Variants in CORO1C observed in about 807,000 individuals in gnomAD.
CORO1C encodes coronin-1C.
In CORO1C, 14 loss-of-function variants were observed where a neutral mutation model predicts 51.2. The observed-to-expected ratio is 0.27, with a 90% confidence interval of 0.18 to 0.43. CORO1C has a LOEUF of 0.43. Among genes scored for constraint, CORO1C ranks in the 20% least tolerant of loss-of-function variants. The pLI is 1.00. For synonymous variants in CORO1C, 181 were observed against 210.5 expected, an observed-to-expected ratio of 0.86 and a Z score of 1.21; for missense variants, 417 against 607.8, an observed-to-expected ratio of 0.69 and a Z score of 3.30.
chr12:108,717,716 C>A (rs1283809913), intron 1 of CORO1C, among the ~76,000 whole-genome samples: 2 of 152,142 alleles, frequency 1.3e-5, no homozygotes, highest in Admixed American at 1.3e-4. Flanking sequence ...TTACTTACTA[C>A]CTCTTAGTAG....
intron 8 of CORO1C, among the ~76,000 whole-genome samples, chr12:108,650,179 C>CA (rs2032577500): frequency 7.7e-6 from 1 of 129,492 alleles, no homozygotes; most frequent in African/African-American, 2.8e-5. Context: ...AAACCAAAAA[C>CA]CTTTTTTTTT....
At chr12:108,723,638 T>C (rs996777750) in intron 1 of CORO1C, among the ~76,000 whole-genome samples, 3 of 152,256 alleles carry the variant, frequency 2.0e-5, no homozygotes, top group African/African-American at 7.2e-5. Context: ...GAAAGTCTCT[T>C]ACACCAAACC....
intron 1 of CORO1C, among the ~76,000 whole-genome samples, chr12:108,722,140 CTGTT>C (rs369108822): frequency 3.9e-5 from 6 of 152,160 alleles, no homozygotes; most frequent in African/African-American, 1.4e-4. Flanking sequence ...AAGAGACAAT[CTGTT>C]TATCAGTAAG....
At chr12:108,661,055 G>A (rs1419833121) in intron 4 of CORO1C, among the ~76,000 whole-genome samples, 1 of 151,982 alleles carries the variant, frequency 6.6e-6, no homozygotes, top group Non-Finnish European at 1.5e-5. Flanking sequence ...TTTTATTAAG[G>A]TATAACTTAC....
intron 3 of CORO1C, among the ~76,000 whole-genome samples, chr12:108,670,425 G>A (rs558939638): frequency 3.9e-5 from 6 of 152,286 alleles, no homozygotes; most frequent in African/African-American, 1.4e-4. Flanking sequence ...ACCCACAGCG[G>A]GCTCCCTTCC....
At position 108,690,408 on chromosome 12, in the gene CORO1C, A is replaced by C. The variant is rs1215272498; in HGVS notation, c.195+10716T>G. On this transcript the variant is annotated intron_variant, in intron 2 of 10. Coordinates refer to ENST00000261401, the MANE Select transcript of CORO1C (RefSeq NM_014325.4). ...ACAGAGACTTCACCTGCCTGTGAGT[A>C]AAAAACAGCAGTCTTTTTGGACAGA... Among the ~76,000 whole-genome samples the C allele has an allele frequency of 3.3e-5, 5 of 152,360 alleles. No homozygotes were observed. The East Asian group carries it at 5.8e-4, about 18-fold the overall frequency.
intron 1 of CORO1C, among the ~76,000 whole-genome samples, chr12:108,718,147 A>T (rs1429997921): frequency 6.6e-6 from 1 of 152,146 alleles, no homozygotes. Context: ...AGGTCAGGAG[A>T]TTGAGACCAC....
At chr12:108,668,013 A>C (rs890472044) in intron 3 of CORO1C, among the ~76,000 whole-genome samples, 1 of 152,220 alleles carries the variant, frequency 6.6e-6, no homozygotes, top group Non-Finnish European at 1.5e-5. Flanking sequence ...TTAGTCACCC[A>C]TCATCAACTT....
At chr12:108,661,501 ATCT>A (rs1248209625) in intron 4 of CORO1C, among the ~76,000 whole-genome samples, 4 of 152,142 alleles carry the variant, frequency 2.6e-5, no homozygotes, top group African/African-American at 9.7e-5. Context: ...AGTAATAATG[ATCT>A]TCTCTCTGAG....
chr12:108,711,288 T>C (rs901667865), intron 1 of CORO1C, among the ~76,000 whole-genome samples: 3 of 152,106 alleles, frequency 2.0e-5, no homozygotes, highest in African/African-American at 7.2e-5. Context: ...GAGGACTGCT[T>C]GAACCCAGGA....
At position 108,671,033 on chromosome 12, in the gene CORO1C, T is replaced by A. The variant is rs571266789; in HGVS notation, c.318+7239A>T. ...AATAATAAAGTCTAAAAAAAAAGAATAAAAAAAAAAGGTTTAGGGCCTGGC... is the reference window on the plus strand; with the variant it reads ...AATAATAAAGTCTAAAAAAAAAGAAAAAAAAAAAAAGGTTTAGGGCCTGGC... On this transcript the variant is annotated intron_variant, in intron 3 of 10. Coordinates refer to ENST00000261401, the MANE Select transcript of CORO1C (RefSeq NM_014325.4). Among the ~76,000 whole-genome samples, 259 of 141,668 alleles carry A rather than the reference T, an allele frequency of 1.8e-3. 1 individual carries two copies. Among genetic ancestry groups the A allele is most frequent in the Non-Finnish European group, 3.0e-3 (195 of 64,180 alleles). 92.9% of individuals were successfully genotyped at this position (141,668 alleles called of 152,430 possible).
intron 2 of CORO1C, among the ~76,000 whole-genome samples, chr12:108,680,332 G>A (rs1299874232): frequency 6.6e-6 from 1 of 152,162 alleles, no homozygotes; most frequent in Non-Finnish European, 1.5e-5. Context: ...TAAGGCCTAG[G>A]TTTCTTCACA....
intron 1 of CORO1C, among the ~76,000 whole-genome samples, chr12:108,708,381 A>G (rs1407849208): frequency 6.6e-6 from 1 of 152,224 alleles, no homozygotes. Flanking sequence ...AACCAGTCAC[A>G]AAAATCGACA....
intron 1 of CORO1C, among the ~76,000 whole-genome samples, chr12:108,717,519 G>A (rs763228992): frequency 2.0e-5 from 3 of 152,214 alleles, no homozygotes; most frequent in Non-Finnish European, 4.4e-5. Context: ...AGGAAGTCAC[G>A]GCACTTGTTG....
chr12:108,729,554 A>C (rs549717550), intron 1 of CORO1C, among the ~76,000 whole-genome samples: 1 of 152,304 alleles, frequency 6.6e-6, no homozygotes, highest in Non-Finnish European at 1.5e-5. Flanking sequence ...ACCACGAAAC[A>C]CTGCACTTCA....
At chr12:108,651,102 C>T (rs967457760) in intron 8 of CORO1C, among the ~76,000 whole-genome samples, 86 of 152,190 alleles carry the variant, frequency 5.7e-4, no homozygotes, top group African/African-American at 1.9e-3. Context: ...CAGGCACCCA[C>T]GACCACACAT....
intron 1 of CORO1C, among the ~76,000 whole-genome samples, chr12:108,721,856 GA>G (rs1227883600): frequency 1.3e-5 from 2 of 151,924 alleles, no homozygotes; most frequent in Non-Finnish European, 2.9e-5. Context: ...AAAGGTCACA[GA>G]AACCAAGCCA....
chr12:108,675,044 A>G (rs1369066061), intron 3 of CORO1C, among the ~76,000 whole-genome samples: 1 of 152,168 alleles, frequency 6.6e-6, no homozygotes, highest in East Asian at 1.9e-4. Flanking sequence ...CAGTATGACA[A>G]ACTTTATTGT....
Position 108,656,478 on chromosome 12 carries a change from C to T in CORO1C, c.750+826G>A, listed in dbSNP as rs368594296. On this transcript the variant is annotated intron_variant, in intron 6 of 10. Coordinates refer to ENST00000261401, the MANE Select transcript of CORO1C (RefSeq NM_014325.4). ...ACCACCCCATCCGGGAGGTGGGGGG[C>T]GCCTCTGCCCTGCCGCCCCTTCTGG... Among the ~76,000 whole-genome samples the T allele has an allele frequency of 1.3e-3, 199 of 152,002 alleles. No individual in the cohort carries two copies. In the East Asian group the frequency reaches 0.018, roughly 14 times the overall value.
Sources: gnomAD v4.1 joint callset for allele counts (sites outside exome capture counted in the v4.1 genomes callset) on GRCh38, gnomAD v4.1.1 for gene constraint, MANE v1.5 for transcripts, NCBI Gene and HGNC (gene_info 2026-07-23, HGNC 2026-07-21) for gene names.